The following TENM4 variants were observed in gnomAD, a reference collection of about 807,000 sequenced individuals.
TENM4 encodes the protein teneurin transmembrane protein 4.
TENM4 carries 82 observed loss-of-function variants against 243.3 expected under a neutral mutation model. That is an observed-to-expected ratio of 0.34 (90% CI 0.28 to 0.40). The LOEUF (loss-of-function observed/expected upper bound fraction) is 0.40. Ranked by LOEUF, TENM4 falls within the 10% of genes least tolerant of loss-of-function variation. The pLI is 1.00. For missense variants in TENM4, 3,138 were observed against 3,673.3 expected (o/e 0.85, Z 3.77); for synonymous variants, 1,412 against 1,456.3 (o/e 0.97, Z 0.69).
intron 2 of TENM4, among the ~76,000 whole-genome samples, chr11:79,236,774 T>C (rs368121197): frequency 1.2e-4 from 19 of 152,202 alleles, no homozygotes; most frequent in Non-Finnish European, 1.5e-5. Context: ...CCAAGTTCTA[T>C]GGAGCAAATG....
intron 9 of TENM4, among the ~76,000 whole-genome samples, chr11:78,884,913 A>T (rs184234096): frequency 5.1e-4 from 78 of 152,324 alleles, no homozygotes; most frequent in Admixed American, 2.1e-3. Flanking sequence ...ATAATAACTC[A>T]TGATTGTTAG....
At position 78,997,876 on chromosome 11, in the gene TENM4, C is replaced by T. The variant is rs564434402; in HGVS notation, c.493+66862G>A. ...TTAGATGAAGTAATGAAGGTGGGACCGTGATGACAGGATCAGTGCCCTTAT... is the reference window on the plus strand; with the variant it reads ...TTAGATGAAGTAATGAAGGTGGGACTGTGATGACAGGATCAGTGCCCTTAT... On this transcript the variant is annotated intron_variant, in intron 6 of 33. Coordinates refer to ENST00000278550, the MANE Select transcript of TENM4 (RefSeq NM_001098816.3). Among the ~76,000 whole-genome samples the T allele has an allele frequency of 9.2e-5, 14 of 152,170 alleles. No individual in the cohort carries two copies. The South Asian group carries it at 1.0e-3, about 11-fold the overall frequency.
At chr11:78,785,250 C>T (rs1015240444) in intron 16 of TENM4, among the ~76,000 whole-genome samples, 4 of 152,076 alleles carry the variant, frequency 2.6e-5, no homozygotes, top group South Asian at 2.1e-4. Context: ...GGGAGGATGA[C>T]ACCGATATAA....
At chr11:79,053,412 C>T (rs1309168371) in intron 6 of TENM4, among the ~76,000 whole-genome samples, 1 of 152,218 alleles carries the variant, frequency 6.6e-6, no homozygotes, top group Non-Finnish European at 1.5e-5. Context: ...CTTCTCCCTG[C>T]TTAAAATTTC....
intron 1 of TENM4, among the ~76,000 whole-genome samples, chr11:79,406,985 T>G (rs940562911): frequency 6.6e-6 from 1 of 152,192 alleles, no homozygotes; most frequent in Non-Finnish European, 1.5e-5. Flanking sequence ...CTATGCTCTG[T>G]GCTGGGCCCA....
intron 6 of TENM4, among the ~76,000 whole-genome samples, chr11:78,908,487 T>G (rs918447151): frequency 1.3e-5 from 2 of 152,204 alleles, no homozygotes; most frequent in African/African-American, 4.8e-5. Context: ...CTTCAGCGTT[T>G]ACAACAGGGG....
At chr11:79,322,229 C>T (rs1856902939) in intron 1 of TENM4, among the ~76,000 whole-genome samples, 1 of 152,116 alleles carries the variant, frequency 6.6e-6, no homozygotes, top group Non-Finnish European at 1.5e-5. Flanking sequence ...TGACACCTGA[C>T]TCAGGAAGCC....
intron 1 of TENM4, among the ~76,000 whole-genome samples, chr11:79,335,479 AC>A (rs1175848618): frequency 6.6e-6 from 1 of 152,210 alleles, no homozygotes; most frequent in Non-Finnish European, 1.5e-5. Flanking sequence ...AGCTGCCCAA[AC>A]CATCCATTGG....
chr11:79,213,290 A>G (rs1265776356), intron 3 of TENM4, among the ~76,000 whole-genome samples: 1 of 152,166 alleles, frequency 6.6e-6, no homozygotes, highest in Non-Finnish European at 1.5e-5. Flanking sequence ...TTGAATCTTT[A>G]CAAAGTGCCT....
intron 1 of TENM4, among the ~76,000 whole-genome samples, chr11:79,428,766 T>A (rs1353640077): frequency 6.6e-6 from 1 of 152,196 alleles, no homozygotes; most frequent in Non-Finnish European, 1.5e-5. Context: ...GATTACCATA[T>A]CTGCAGTCCC....
At chr11:78,926,059 G>C (rs541404586) in intron 6 of TENM4, among the ~76,000 whole-genome samples, 1 of 152,160 alleles carries the variant, frequency 6.6e-6, no homozygotes, top group African/African-American at 2.4e-5. Flanking sequence ...AGTTCTATCG[G>C]GGAGGGAAAA....
intron 3 of TENM4, among the ~76,000 whole-genome samples, chr11:79,167,625 G>T (rs543875079): frequency 6.6e-6 from 1 of 152,180 alleles, no homozygotes; most frequent in Non-Finnish European, 1.5e-5. Flanking sequence ...ATTTAGAAAG[G>T]TCCACTCCGA....
At chr11:79,003,984 T>C in intron 6 of TENM4, among the ~76,000 whole-genome samples, 1 of 137,764 alleles carries the variant, frequency 7.3e-6, no homozygotes, top group Non-Finnish European at 1.5e-5. Flanking sequence ...GGGTTGCTAT[T>C]CTAATTTCAG....
At chr11:78,843,706 T>C (rs1039838331) in intron 12 of TENM4, among the ~76,000 whole-genome samples, 1 of 152,238 alleles carries the variant, frequency 6.6e-6, no homozygotes, top group African/African-American at 2.4e-5. Context: ...CAAATAAAAG[T>C]TAGTGCTTTG....
intron 6 of TENM4, among the ~76,000 whole-genome samples, chr11:78,969,424 G>A (rs1287190503): frequency 6.6e-6 from 1 of 152,218 alleles, no homozygotes; most frequent in African/African-American, 2.4e-5. Flanking sequence ...AATAGAGCAA[G>A]CTAGTTGTCC....
At chr11:79,410,758 A>G (rs1858682170) in intron 1 of TENM4, among the ~76,000 whole-genome samples, 1 of 152,200 alleles carries the variant, frequency 6.6e-6, no homozygotes. Flanking sequence ...CTAGGAGCTT[A>G]GGAGATGTGA....
intron 4 of TENM4, among the ~76,000 whole-genome samples, chr11:79,137,665 G>A (rs1258965773): frequency 3.3e-5 from 5 of 152,052 alleles, no homozygotes; most frequent in South Asian, 4.2e-4. Context: ...GCATATATAC[G>A]CTTGTACTAA....
chr11:79,080,981 G>A (rs1860654787), intron 4 of TENM4, among the ~76,000 whole-genome samples: 1 of 152,202 alleles, frequency 6.6e-6, no homozygotes, highest in South Asian at 2.1e-4. Flanking sequence ...ATCTTAACCT[G>A]TAATTACCTG....
intron 1 of TENM4, among the ~76,000 whole-genome samples, chr11:79,302,002 C>G (rs1202039611): frequency 6.6e-6 from 1 of 152,162 alleles, no homozygotes; most frequent in African/African-American, 2.4e-5. Flanking sequence ...AGTGCGAGAA[C>G]GGACTAATAC....
Sources: allele counts gnomAD v4.1 joint callset (sites outside exome capture counted in the v4.1 genomes callset), GRCh38; gene constraint gnomAD v4.1.1; transcripts MANE v1.5; gene names NCBI Gene and HGNC (gene_info 2026-07-23, HGNC 2026-07-21).